Variants in SLC5A4 observed in about 807,000 individuals in gnomAD.
SLC5A4 encodes the protein probable glucose sensor protein SLC5A4.
In SLC5A4, 55 loss-of-function variants were observed where a neutral mutation model predicts 70.3. The observed-to-expected ratio is 0.78, with a 90% confidence interval of 0.63 to 0.98. The LOEUF (loss-of-function observed/expected upper bound fraction) is 0.98, where lower values mean the gene tolerates loss of function less well. Among genes scored for constraint, SLC5A4 ranks in the 50% least tolerant of loss-of-function variants. SLC5A4 has a pLI of 0.00. For missense variants in SLC5A4, 735 were observed against 839.2 expected (o/e 0.88, Z 1.53); for synonymous variants, 268 against 305.7 (o/e 0.88, Z 1.29).
the SLC5A4 span, among the ~76,000 whole-genome samples, chr22:32,350,369 G>A: frequency 6.6e-6 from 1 of 152,086 alleles, no homozygotes; most frequent in African/African-American, 2.4e-5. Flanking sequence ...CTAACACTAC[G>A]CCCAGTCACT....
chr22:32,308,579 C>A, the SLC5A4 span, among the ~76,000 whole-genome samples: 1 of 152,228 alleles, frequency 6.6e-6, no homozygotes, highest in Admixed American at 6.5e-5. Flanking sequence ...AGCCTGTTAA[C>A]CCCCATTCCT....
the SLC5A4 span, among the ~76,000 whole-genome samples, chr22:32,346,631 T>C: frequency 7.5e-6 from 1 of 133,936 alleles, no homozygotes; most frequent in Non-Finnish European, 1.5e-5. Context: ...TAAATGGTGC[T>C]GGGAAAACTG....
At chr22:32,227,812 C>T (rs1445007913) in intron 11 of SLC5A4, among the ~76,000 whole-genome samples, 1 of 151,918 alleles carries the variant, frequency 6.6e-6, no homozygotes, top group African/African-American at 2.4e-5. Context: ...GTGCACGCCT[C>T]TAGTCCCAGC....
chr22:32,326,385 T>A, the SLC5A4 span, among the ~76,000 whole-genome samples: 1 of 151,710 alleles, frequency 6.6e-6, no homozygotes, highest in Non-Finnish European at 1.5e-5. Flanking sequence ...GCCTCCCAAG[T>A]AGTAGGGATT....
intron 5 of SLC5A4, among the ~76,000 whole-genome samples, chr22:32,243,754 A>G (rs377672969): frequency 3.9e-4 from 60 of 152,218 alleles, no homozygotes; most frequent in African/African-American, 1.3e-3. Context: ...TGGGAGGCCA[A>G]GCAGGGTGGA....
rs1427843998 is a variant in SLC5A4, at chr22:32,254,118, T to G, written c.207+24A>C. On this transcript the variant is annotated intron_variant, in intron 2 of 14. Coordinates refer to ENST00000266086, the MANE Select transcript of SLC5A4 (RefSeq NM_014227.3). ...TAAGCACACACACAGGAAATTTATC[T>G]CCAGAAAACTTCGATCCACTTACCG... 5 of 1,591,378 alleles carry G rather than the reference T, an allele frequency of 3.1e-6. No individual in the cohort carries two copies. In the African/African-American group the frequency reaches 6.7e-5, roughly 21 times the overall value.
Position 32,236,580 on chromosome 22 carries a change from A to C in SLC5A4, c.664+664T>G, listed in dbSNP as rs187472468. 3.0e-3 allele frequency among the ~76,000 whole-genome samples: 460 copies of C among 152,344 alleles called. 6 individuals are homozygous for C. The highest frequency in any genetic ancestry group is 0.011 in the African/African-American group (442 of 41,576). ...ACTATTTAATCCTTCATTTCATAAA[A>C]ATTCTATGTAAATGAAAGGTTTCTA... is the stretch of plus-strand genomic sequence containing the variant. On this transcript the variant is annotated intron_variant, in intron 7 of 14. Coordinates refer to ENST00000266086, the MANE Select transcript of SLC5A4 (RefSeq NM_014227.3).
the SLC5A4 span, chr22:32,270,315 C>A: frequency 1.1e-6 from 1 of 939,578 alleles, no homozygotes; most frequent in Non-Finnish European, 1.8e-6. Context: ...TTGTGGTTTG[C>A]TCCAGCCACA....
At chr22:32,286,526 AC>A in the SLC5A4 span, among the ~76,000 whole-genome samples, 1 of 152,132 alleles carries the variant, frequency 6.6e-6, no homozygotes, top group South Asian at 2.1e-4. Context: ...GCGATAAACA[AC>A]CCTTTGTTTT....
chr22:32,299,300 C>A, the SLC5A4 span, among the ~76,000 whole-genome samples: 3 of 151,286 alleles, frequency 2.0e-5, no homozygotes, highest in Non-Finnish European at 4.4e-5. Context: ...ACCAATCAGA[C>A]GTAAATTTGG....
the SLC5A4 span, among the ~76,000 whole-genome samples, chr22:32,302,889 A>C: frequency 2.0e-5 from 3 of 152,220 alleles, no homozygotes; most frequent in African/African-American, 7.2e-5. Context: ...CAGGAATTGG[A>C]GATAACTGAC....
At chr22:32,331,405 C>G in the SLC5A4 span, among the ~76,000 whole-genome samples, 44 of 152,224 alleles carry the variant, frequency 2.9e-4, no homozygotes, top group African/African-American at 1.0e-3. Context: ...TCTGCAAACT[C>G]CCTCGCGCCC....
At chr22:32,324,276 T>TACACAC in the SLC5A4 span, among the ~76,000 whole-genome samples, 1 of 137,176 alleles carries the variant, frequency 7.3e-6, no homozygotes, top group African/African-American at 2.5e-5. Flanking sequence ...TGTATATATA[T>TACACAC]ATACACACAT....
intron 2 of SLC5A4, among the ~76,000 whole-genome samples, chr22:32,253,411 A>G (rs754997599): frequency 2.0e-5 from 3 of 152,220 alleles, no homozygotes; most frequent in African/African-American, 7.2e-5. Flanking sequence ...GGACCCATGG[A>G]GAGAGCCGGG....
At chr22:32,271,251 C>G in the SLC5A4 span, 1 of 793,886 alleles carries the variant, frequency 1.3e-6, no homozygotes, top group African/African-American at 1.7e-5. Context: ...GGCAGCGGGT[C>G]CTCATGGACA....
At chr22:32,246,037 A>C (rs1926806482) in intron 5 of SLC5A4, among the ~76,000 whole-genome samples, 1 of 152,020 alleles carries the variant, frequency 6.6e-6, no homozygotes, top group Non-Finnish European at 1.5e-5. Context: ...CAGGGAGCAT[A>C]CTCTTCTCCG....
At chr22:32,300,347 G>C in the SLC5A4 span, among the ~76,000 whole-genome samples, 1 of 151,688 alleles carries the variant, frequency 6.6e-6, no homozygotes, top group Non-Finnish European at 1.5e-5. Flanking sequence ...CCAGGTGCGG[G>C]ATATAATCTC....
the SLC5A4 span, among the ~76,000 whole-genome samples, chr22:32,321,016 G>A: frequency 0.46 from 70,650 of 152,086 alleles, 16,611 homozygotes; most frequent in East Asian, 0.65. Flanking sequence ...GGCCGGGCAC[G>A]GTGGCTCACG....
chr22:32,330,941 TG>T, the SLC5A4 span, among the ~76,000 whole-genome samples: 1 of 13,962 alleles, frequency 7.2e-5, no homozygotes, highest in Non-Finnish European at 1.4e-4. Context: ...GTGTATGTGT[TG>T]GAGGCTCTGG....
Sources: allele counts gnomAD v4.1 joint callset (sites outside exome capture counted in the v4.1 genomes callset), GRCh38; gene constraint gnomAD v4.1.1; transcripts MANE v1.5; gene names NCBI Gene and HGNC (gene_info 2026-07-23, HGNC 2026-07-21).